The following CIZ1 variants were observed in gnomAD, a reference collection of about 807,000 sequenced individuals.
CIZ1 encodes the protein CDKN1A interacting zinc finger protein 1.
In CIZ1, 58 loss-of-function variants were observed where a neutral mutation model predicts 118.6. The ratio of observed to expected loss-of-function variants is 0.49; its 90% CI spans 0.40 to 0.61. The LOEUF is 0.61. CIZ1 is among the 20% of genes least tolerant of loss of function. The pLI is 0.00. For synonymous variants in CIZ1, 448 were observed against 443.4 expected (o/e 1.01, Z -0.13); for missense variants, 921 against 1,115.9 (o/e 0.83, Z 2.49).
intron 5 of CIZ1, among the ~76,000 whole-genome samples, chr9:128,183,336 C>G (rs543845131): frequency 1.2e-4 from 18 of 152,320 alleles, no homozygotes; most frequent in African/African-American, 4.1e-4. Flanking sequence ...ACCCCAATCT[C>G]TAAGCCTGGG....
chr9:128,179,509 G>T, intron 7 of CIZ1, 94 bp from the exon 8 acceptor site: 1 of 1,169,840 alleles, frequency 8.5e-7, no homozygotes, highest in Non-Finnish European at 1.2e-6. Flanking sequence ...GTGGTGGCTC[G>T]CATCTGTAAA....
intron 12 of CIZ1, chr9:128,169,764 G>C (rs574361051): frequency 1.0e-5 from 15 of 1,487,452 alleles, no homozygotes; most frequent in African/African-American, 4.2e-5. Flanking sequence ...AGACGAGAGA[G>C]AGGGCAGCTG....
chr9:128,175,427 A>G (rs1171982530), intron 11 of CIZ1, among the ~76,000 whole-genome samples: 1 of 152,202 alleles, frequency 6.6e-6, no homozygotes, highest in Non-Finnish European at 1.5e-5. Flanking sequence ...AGGGAGAAAC[A>G]GCTAACAGAG....
chr9:128,169,143 TC>T lies in CIZ1; in HGVS notation c.2203del (p.Asp735ThrfsTer32). On this transcript the variant is annotated frameshift_variant, in exon 14 of 17. Transcript: ENST00000372938. LOFTEE classifies it high-confidence loss of function. ...GQDEDHFITVDAVGCFEGDEE... is the reference protein window; with the variant it reads ...GQDEDHFITVXAVGCFEGDEE... ...ATCACCCTCGAAGCAACCCACAGCG[TC>T]CACTGTAATGAAGTGGTCCTCATCT... is the stretch of plus-strand genomic sequence containing the variant. 1 of 1,614,174 alleles carries T rather than the reference TC, an allele frequency of 6.2e-7. No individual in the cohort carries two copies. Among genetic ancestry groups the T allele is most frequent in the Non-Finnish European group, 8.5e-7 (1 of 1,180,008 alleles).
Position 128,191,167 on chromosome 9 carries a change from C to G in CIZ1, c.-6+265G>C, listed in dbSNP as rs1833094874. ...GGCGGCTCCATCCTCCCACCCTCAG[C>G]CTCAGCCTCTCTCTGCGCCCATCAC... On this transcript the variant is annotated intron_variant, in intron 1 of 16. Coordinates refer to ENST00000372938, the MANE Select transcript of CIZ1 (RefSeq NM_001131016.2). This position sits in a 1 kb window ranked among gnomAD's most constrained non-coding sequence, Gnocchi z 5.5. 2.1e-6 allele frequency: 1 copy of G among 483,132 alleles called. No homozygotes were observed. The highest frequency in any genetic ancestry group is 3.1e-5 in the South Asian group (1 of 31,750). 29.9% of individuals were successfully genotyped at this position (483,132 alleles called of 1,614,324 possible).
At position 128,177,546 on chromosome 9, in the gene CIZ1, C is replaced by CCCAAAAAAAG; in HGVS notation, c.1818+19_1818+20insCTTTTTTTGG. ...CACGCAGGCCCCACCCCTCCCCACC[C>CCCAAAAAAAG]TTATCTCCTGTATCAGTACCTGCTG... On this transcript the variant is annotated intron_variant, in intron 10 of 16. Coordinates refer to ENST00000372938, the MANE Select transcript of CIZ1 (RefSeq NM_001131016.2). The CCCAAAAAAAG allele has an allele frequency of 7.4e-7, 1 of 1,353,458 alleles. No individual in the cohort carries two copies. Among genetic ancestry groups the CCCAAAAAAAG allele is most frequent in the Non-Finnish European group, 9.9e-7 (1 of 1,013,754 alleles). 83.8% of individuals were successfully genotyped at this position (1,353,458 alleles called of 1,614,324 possible).
At chr9:128,172,075 A>G (rs890387994) in intron 11 of CIZ1, among the ~76,000 whole-genome samples, 1 of 129,058 alleles carries the variant, frequency 7.7e-6, no homozygotes, top group Non-Finnish European at 1.6e-5. Context: ...TGAGCTCAGG[A>G]GTTCTGAGGC....
Position 128,178,357 on chromosome 9 carries a change from G to C in CIZ1, c.1620+12C>G. 6.2e-7 allele frequency: 1 copy of C among 1,610,896 alleles called. No homozygotes were observed. Among genetic ancestry groups the C allele is most frequent in the Non-Finnish European group, 8.5e-7 (1 of 1,178,772 alleles). On this transcript the variant is annotated intron_variant, in intron 9 of 16. Transcript: ENST00000372938. ...GTGGCCCTCACACTGCCACATCAGG[G>C]CCTCTACCCACCCCTGGCATCTCTC...
chr9:128,166,437 G>T lies in CIZ1; in HGVS notation c.2488-31C>A, dbSNP rs1186975837. 6.8e-7 allele frequency: 1 copy of T among 1,465,176 alleles called. No individual in the cohort carries two copies. The highest frequency in any genetic ancestry group is 9.2e-7 in the Non-Finnish European group (1 of 1,086,670). 90.8% of individuals were successfully genotyped at this position (1,465,176 alleles called of 1,614,324 possible). A position where few individuals can be genotyped will look rare whatever the true frequency, so the allele number is the denominator to read the frequency against. On this transcript the variant is annotated intron_variant, in intron 16 of 16. Coordinates refer to ENST00000372938, the MANE Select transcript of CIZ1 (RefSeq NM_001131016.2). This position sits in a 1 kb window ranked among gnomAD's most constrained non-coding sequence, Gnocchi z 4.4. ...TACAGAAGGTGCAGGTAAGGTCAGG[G>T]TCTCCTCCCTACATGGTATGCTCCT... is the stretch of plus-strand genomic sequence containing the variant.
rs57561786 is a variant in CIZ1, at chr9:128,178,855, G to A, written c.1352C>T (p.Ala451Val). 1,368 of 1,614,246 alleles carry A rather than the reference G, an allele frequency of 8.5e-4. 24 individuals are homozygous for A. In the East Asian group the frequency reaches 0.029, roughly 34 times the overall value. The change falls in exon 8 of 17, where the codon GCG becomes GTG. Residue 451 changes from alanine to valine, a missense_variant. By Grantham distance (64) the Ala-to-Val change is moderately conservative (BLOSUM62 0). Transcript: ENST00000372938. The part of the protein sequence containing the change: ...PSVQPQEHPP[A>V]QVSVQPPEQT... The stretch of plus-strand genomic sequence containing the variant: ...CTCTGGTGGCTGTACTGACACCTGC[G>A]CTGGAGGATGCTCCTGTGGCTGGAC...
Position 128,166,458 on chromosome 9 carries a change from C to G in CIZ1, c.2488-52G>C. The G allele has an allele frequency of 2.9e-6, 4 of 1,373,908 alleles. No individual in the cohort carries two copies. The highest frequency in any genetic ancestry group is 3.9e-6 in the Non-Finnish European group (4 of 1,014,886). 85.1% of individuals were successfully genotyped at this position (1,373,908 alleles called of 1,614,324 possible). ...CAGGGTCTCCTCCCTACATGGTATG[C>G]TCCTGGCCAGCAGCTACTTCCCCAG... is the stretch of plus-strand genomic sequence containing the variant. On this transcript the variant is annotated intron_variant, in intron 16 of 16. Coordinates refer to ENST00000372938, the MANE Select transcript of CIZ1 (RefSeq NM_001131016.2). This position sits in a 1 kb window ranked among gnomAD's most constrained non-coding sequence, Gnocchi z 4.4.
intron 14 of CIZ1, among the ~76,000 whole-genome samples, chr9:128,168,529 A>T (rs1185541514): frequency 1.7e-5 from 2 of 116,820 alleles, no homozygotes; most frequent in Non-Finnish European, 3.2e-5. Flanking sequence ...AAAAAAAAAG[A>T]AAAAAAAAAA....
upstream of CIZ1, chr9:128,191,772 G>C: frequency 7.1e-7 from 1 of 1,414,008 alleles, no homozygotes; most frequent in Non-Finnish European, 9.2e-7. The surrounding 1 kb of genome is among the most constrained non-coding windows in gnomAD (Gnocchi z 5.5). Context: ...GGGAGGCTCG[G>C]AGACCAAGGT....
At chr9:128,183,747 CTTTTG>C (rs1254594896) in intron 5 of CIZ1, among the ~76,000 whole-genome samples, 2 of 124,748 alleles carry the variant, frequency 1.6e-5, no homozygotes, top group African/African-American at 2.9e-5. Context: ...GTTTCCTATA[CTTTTG>C]TTTGTTTGTT....
intron 5 of CIZ1, among the ~76,000 whole-genome samples, chr9:128,184,489 AT>A (rs35204850): frequency 0.24 from 26,383 of 111,534 alleles, 1,653 homozygotes; most frequent in Non-Finnish European, 0.27. Context: ...GGCAGTGCTG[AT>A]TTTTTTTTTT....
chr9:128,174,559 C>A (rs563152127), intron 11 of CIZ1, among the ~76,000 whole-genome samples: 1 of 152,148 alleles, frequency 6.6e-6, no homozygotes, highest in East Asian at 1.9e-4. Flanking sequence ...TTTTCACTTA[C>A]AACCGCGAAG....
At chr9:128,176,008 A>T (rs1314394609) in intron 11 of CIZ1, among the ~76,000 whole-genome samples, 1 of 152,150 alleles carries the variant, frequency 6.6e-6, no homozygotes, top group Non-Finnish European at 1.5e-5. Flanking sequence ...ACCACAAAAG[A>T]ACCTGATCCT....
At chr9:128,179,784 T>C (rs1831341750) in intron 7 of CIZ1, among the ~76,000 whole-genome samples, 1 of 152,164 alleles carries the variant, frequency 6.6e-6, no homozygotes, top group Non-Finnish European at 1.5e-5. Context: ...GCGATTCTCC[T>C]GCCTCAGCCT....
intron 1 of CIZ1, among the ~76,000 whole-genome samples, chr9:128,199,694 G>C (rs139053460): frequency 5.9e-5 from 9 of 151,744 alleles, no homozygotes; most frequent in African/African-American, 2.2e-4. Flanking sequence ...AGCTGAGCAA[G>C]GTTTATCTTA....
Sources: allele counts gnomAD v4.1 joint callset (sites outside exome capture counted in the v4.1 genomes callset), GRCh38; gene constraint gnomAD v4.1.1; non-coding constraint Gnocchi (gnomAD v3.1); transcripts MANE v1.5; gene names NCBI Gene and HGNC (gene_info 2026-07-23, HGNC 2026-07-21).